OCA2: variants seen among roughly 807,000 people sequenced by gnomAD.
OCA2 encodes the protein OCA2 melanosomal transmembrane protein.
Under a neutral mutation model 100.2 loss-of-function variants are expected in OCA2, and 77 were observed. That is an observed-to-expected ratio of 0.77 (90% CI 0.64 to 0.93). The LOEUF is 0.93. Among genes scored for constraint, OCA2 ranks in the 40% least tolerant of loss-of-function variants. OCA2 has a pLI of 0.00. For synonymous variants in OCA2, 432 were observed against 439.2 expected (o/e 0.98, Z 0.21); for missense variants, 1,062 against 1,089.1 (o/e 0.98, Z 0.35).
chr15:27,782,029 T>TA (rs1459998056), intron 23 of OCA2, among the ~76,000 whole-genome samples: 1 of 152,220 alleles, frequency 6.6e-6, no homozygotes, highest in Non-Finnish European at 1.5e-5. Context: ...TATTGCAACT[T>TA]ACATTTTATT....
intron 23 of OCA2, among the ~76,000 whole-genome samples, chr15:27,795,239 G>A (rs1478440697): frequency 6.6e-6 from 1 of 152,116 alleles, no homozygotes; most frequent in African/African-American, 2.4e-5. Context: ...TTATTTAATA[G>A]AGTATTTTAC....
chr15:28,068,928 G>A (rs116548854), intron 2 of OCA2, among the ~76,000 whole-genome samples: 2,845 of 152,224 alleles, frequency 0.019, 94 homozygotes, highest in African/African-American at 0.065. Context: ...ACTAGGCACT[G>A]AAGGAATGTA....
chr15:28,001,580 A>G (rs1016208121), intron 9 of OCA2, among the ~76,000 whole-genome samples: 3 of 152,208 alleles, frequency 2.0e-5, no homozygotes, highest in East Asian at 1.9e-4. Flanking sequence ...CAAAAAACAC[A>G]TATTTTTCTT....
At chr15:27,992,878 T>C (rs2041601668) in intron 9 of OCA2, among the ~76,000 whole-genome samples, 1 of 152,100 alleles carries the variant, frequency 6.6e-6, no homozygotes, top group Admixed American at 6.5e-5. Flanking sequence ...ATCGCAGCAC[T>C]TTGGGAGGCC....
intron 19 of OCA2, among the ~76,000 whole-genome samples, chr15:27,913,867 G>T (rs1567097892): frequency 6.3e-5 from 3 of 47,370 alleles, no homozygotes; most frequent in African/African-American, 3.1e-4. Context: ...AAGAAAGAAA[G>T]AAAGAAAGAA....
intron 16 of OCA2, among the ~76,000 whole-genome samples, chr15:27,955,452 G>A (rs1168193727): frequency 1.3e-5 from 2 of 152,174 alleles, no homozygotes; most frequent in Admixed American, 1.3e-4. Context: ...TGTGTGTGAG[G>A]AGGTACATGT....
intron 2 of OCA2, among the ~76,000 whole-genome samples, chr15:28,056,744 C>T (rs911475773): frequency 3.3e-5 from 5 of 152,268 alleles, no homozygotes; most frequent in African/African-American, 7.2e-5. Context: ...GCTCATCACG[C>T]GCTCCTATCC....
intron 21 of OCA2, among the ~76,000 whole-genome samples, chr15:27,858,034 C>T (rs2036003117): frequency 6.6e-6 from 1 of 150,380 alleles, no homozygotes; most frequent in East Asian, 1.9e-4. Flanking sequence ...AAAAAAAAGG[C>T]AGTAATGGAG....
the OCA2 span, among the ~76,000 whole-genome samples, chr15:27,742,046 A>T: frequency 2.6e-5 from 4 of 152,214 alleles, no homozygotes; most frequent in Non-Finnish European, 4.4e-5. Flanking sequence ...GGAAATACAC[A>T]TTGCAGACGT....
At chr15:27,865,588 G>A (rs1249395776) in intron 21 of OCA2, among the ~76,000 whole-genome samples, 1 of 152,162 alleles carries the variant, frequency 6.6e-6, no homozygotes, top group African/African-American at 2.4e-5. Context: ...TTCCCCACCT[G>A]AACACTGAGC....
intron 23 of OCA2, among the ~76,000 whole-genome samples, chr15:27,811,650 G>T (rs1418421099): frequency 1.3e-5 from 2 of 152,154 alleles, no homozygotes; most frequent in Non-Finnish European, 2.9e-5. Flanking sequence ...TGTGATAAAG[G>T]CTTACCTTTT....
chr15:27,728,535 T>A, the OCA2 span, among the ~76,000 whole-genome samples: 7 of 152,228 alleles, frequency 4.6e-5, no homozygotes, highest in Non-Finnish European at 7.3e-5. Flanking sequence ...CTGTTCCTGC[T>A]GATATGAAAT....
intron 14 of OCA2, among the ~76,000 whole-genome samples, chr15:27,978,789 G>A (rs2041052250): frequency 1.3e-5 from 2 of 151,864 alleles, no homozygotes; most frequent in East Asian, 1.9e-4. Context: ...GGGTTCAAGC[G>A]ATTCTCCTGC....
chr15:27,910,920 C>T (rs1196084158), intron 19 of OCA2, among the ~76,000 whole-genome samples: 2 of 151,674 alleles, frequency 1.3e-5, no homozygotes, highest in Non-Finnish European at 2.9e-5. Flanking sequence ...CATGCCACTG[C>T]ACTCCAGCCT....
At chr15:27,844,426 A>G (rs1262033065) in intron 23 of OCA2, among the ~76,000 whole-genome samples, 1 of 152,262 alleles carries the variant, frequency 6.6e-6, no homozygotes, top group Non-Finnish European at 1.5e-5. Flanking sequence ...ATATCTGGCA[A>G]GCCCACAGTC....
rs192734425 is a variant in OCA2 at position 28,005,483 on chromosome 15, G to A, written c.1044+9293C>T. ...TCCTACATCGAGGCGTCGCAGGAACGCATTCCTTCTGCAGGCTCTAGAGGA... is the reference window on the plus strand; with the variant it reads ...TCCTACATCGAGGCGTCGCAGGAACACATTCCTTCTGCAGGCTCTAGAGGA... On this transcript the variant is annotated intron_variant, in intron 9 of 23. Transcript: ENST00000354638. Among the ~76,000 whole-genome samples, 117 of 152,278 alleles carry A rather than the reference G, an allele frequency of 7.7e-4. 2 individuals carry two copies. Among genetic ancestry groups the A allele is most frequent in the African/African-American group, 2.6e-3 (110 of 41,558 alleles).
chr15:27,927,784 C>CTTTTT (rs34037519), intron 18 of OCA2, among the ~76,000 whole-genome samples: 96 of 69,330 alleles, frequency 1.4e-3, no homozygotes, highest in Middle Eastern at 0.012. Context: ...CTTTGAGCAT[C>CTTTTT]TTTTTTTTTT....
At chr15:27,773,828 T>C (rs1438380170) in intron 23 of OCA2, among the ~76,000 whole-genome samples, 1 of 152,238 alleles carries the variant, frequency 6.6e-6, no homozygotes, top group African/African-American at 2.4e-5. Context: ...ATTCAGGAGT[T>C]GGATACCCAG....
At chr15:27,757,173 G>GGT (rs540769456) in intron 23 of OCA2, among the ~76,000 whole-genome samples, 180 of 152,302 alleles carry the variant, frequency 1.2e-3, no homozygotes, top group South Asian at 3.1e-3. Flanking sequence ...AGTTTGCTCT[G>GGT]GTGTGACAAT....
Sources: gnomAD v4.1 joint callset for allele counts (sites outside exome capture counted in the v4.1 genomes callset) on GRCh38, gnomAD v4.1.1 for gene constraint, MANE v1.5 for transcripts, NCBI Gene and HGNC (gene_info 2026-07-23, HGNC 2026-07-21) for gene names.